The following FBXL7 variants were observed in gnomAD, a reference collection of about 807,000 sequenced individuals.
FBXL7 encodes the protein F-box/LRR-repeat protein 7.
In FBXL7, 12 loss-of-function variants were observed where a neutral mutation model predicts 38.3. That is an observed-to-expected ratio of 0.31 (90% confidence interval 0.20 to 0.51). The LOEUF is 0.51. Ranked by LOEUF, FBXL7 falls within the 20% of genes least tolerant of loss-of-function variation. The probability of loss-of-function intolerance (pLI) is 0.98; values close to 1 mark genes in which losing one functional copy is unlikely to be tolerated. For missense variants in FBXL7, 567 were observed against 676.4 expected (o/e 0.84, Z 1.79); for synonymous variants, 297 against 300.9 (o/e 0.99, Z 0.13).
chr5:15,800,593 A>G (rs1243132767), intron 2 of FBXL7, among the ~76,000 whole-genome samples: 1 of 152,212 alleles, frequency 6.6e-6, no homozygotes, highest in African/African-American at 2.4e-5. Flanking sequence ...AACAACCTAA[A>G]AAGGCAGGTA....
intron 2 of FBXL7, among the ~76,000 whole-genome samples, chr5:15,628,159 A>G (rs140901820): frequency 5.8e-4 from 89 of 152,304 alleles, no homozygotes; most frequent in Non-Finnish European, 9.3e-4. Context: ...TGTTGTTTAT[A>G]GCGGCTAGTG....
chr5:15,675,168 A>G (rs542657065), intron 2 of FBXL7, among the ~76,000 whole-genome samples: 18 of 152,378 alleles, frequency 1.2e-4, no homozygotes, highest in Non-Finnish European at 2.2e-4. Flanking sequence ...AATACACTTT[A>G]TCTTCAAAAT....
chr5:15,903,952 T>TAAGGG (rs1561183254), intron 2 of FBXL7, among the ~76,000 whole-genome samples: 1 of 152,174 alleles, frequency 6.6e-6, no homozygotes, highest in East Asian at 1.9e-4. Context: ...TAGCCTATGG[T>TAAGGG]AAGGGAAGGG....
At chr5:15,522,083 G>A (rs987974986) in intron 1 of FBXL7, among the ~76,000 whole-genome samples, 10 of 152,182 alleles carry the variant, frequency 6.6e-5, no homozygotes, top group African/African-American at 2.4e-4. Context: ...ATCCCCCATG[G>A]GAATGCCTAA....
At chr5:15,761,549 A>C (rs1402962172) in intron 2 of FBXL7, among the ~76,000 whole-genome samples, 2 of 152,086 alleles carry the variant, frequency 1.3e-5, no homozygotes, top group Non-Finnish European at 2.9e-5. Flanking sequence ...ATTATTATTT[A>C]TTTATTTTTT....
At chr5:15,755,235 G>A (rs1470536769) in intron 2 of FBXL7, among the ~76,000 whole-genome samples, 1 of 152,120 alleles carries the variant, frequency 6.6e-6, no homozygotes, top group African/African-American at 2.4e-5. Context: ...GTATTTTAGT[G>A]GATAATATGG....
chr5:15,707,693 A>G (rs1743733361), intron 2 of FBXL7, among the ~76,000 whole-genome samples: 1 of 152,224 alleles, frequency 6.6e-6, no homozygotes, highest in Non-Finnish European at 1.5e-5. Flanking sequence ...TGCAGAGGAT[A>G]GGAGGGCAGG....
At chr5:15,784,877 C>T (rs1737092795) in intron 2 of FBXL7, among the ~76,000 whole-genome samples, 1 of 152,174 alleles carries the variant, frequency 6.6e-6, no homozygotes, top group Non-Finnish European at 1.5e-5. Flanking sequence ...CAACCTAGCA[C>T]ACACACGCAC....
intron 1 of FBXL7, among the ~76,000 whole-genome samples, chr5:15,536,889 G>A (rs1221456102): frequency 2.0e-5 from 3 of 152,216 alleles, no homozygotes; most frequent in African/African-American, 7.2e-5. Context: ...ATCTCATCTT[G>A]AATTGTAATC....
At chr5:15,560,211 G>T (rs1003065461) in intron 1 of FBXL7, among the ~76,000 whole-genome samples, 1 of 152,090 alleles carries the variant, frequency 6.6e-6, no homozygotes, top group Admixed American at 6.6e-5. Flanking sequence ...CTACCCAAAT[G>T]ACCTTAATAA....
At chr5:15,503,962 G>C (rs1210341843) in intron 1 of FBXL7, among the ~76,000 whole-genome samples, 1 of 152,194 alleles carries the variant, frequency 6.6e-6, no homozygotes, top group South Asian at 2.1e-4. Context: ...ATTAAAAACA[G>C]TTATTCACGA....
At chr5:15,556,667 T>C (rs1261141624) in intron 1 of FBXL7, among the ~76,000 whole-genome samples, 1 of 152,190 alleles carries the variant, frequency 6.6e-6, no homozygotes, top group Non-Finnish European at 1.5e-5. Flanking sequence ...ATTAATACTT[T>C]ATATTTAATT....
chr5:15,509,088 G>A (rs1350946803), intron 1 of FBXL7, among the ~76,000 whole-genome samples: 1 of 152,148 alleles, frequency 6.6e-6, no homozygotes, highest in Non-Finnish European at 1.5e-5. Context: ...TTTAATTGAT[G>A]TTATTGGTCA....
intron 1 of FBXL7, among the ~76,000 whole-genome samples, chr5:15,513,103 A>G (rs1367470394): frequency 6.6e-6 from 1 of 152,172 alleles, no homozygotes; most frequent in Non-Finnish European, 1.5e-5. Flanking sequence ...ATCTGCCTCT[A>G]GCTGCAGCTG....
intron 3 of FBXL7, among the ~76,000 whole-genome samples, chr5:15,929,101 T>C (rs985230115): frequency 6.6e-6 from 1 of 152,182 alleles, no homozygotes; most frequent in African/African-American, 2.4e-5. Context: ...GCTGTAAAAA[T>C]GACCTCGTGT....
chr5:15,805,615 A>G (rs1561133366), intron 2 of FBXL7, among the ~76,000 whole-genome samples: 1 of 152,186 alleles, frequency 6.6e-6, no homozygotes, highest in African/African-American at 2.4e-5. Flanking sequence ...CTTCCTTCTT[A>G]TAACTAGTCC....
At chr5:15,806,802 G>A (rs561317757) in intron 2 of FBXL7, among the ~76,000 whole-genome samples, 1 of 152,298 alleles carries the variant, frequency 6.6e-6, no homozygotes, top group South Asian at 2.1e-4. Flanking sequence ...TGCGGCAGAA[G>A]CAGCCCAGAG....
intron 2 of FBXL7, among the ~76,000 whole-genome samples, chr5:15,679,635 A>C (rs1166821099): frequency 6.6e-6 from 1 of 150,438 alleles, no homozygotes; most frequent in African/African-American, 2.4e-5. Context: ...TGTTGACTAA[A>C]GTTGTGGAAA....
In FBXL7 at chr5:15,536,000, T is replaced by C. The variant is rs112743559; in HGVS notation, c.37+35287T>C. Among the ~76,000 whole-genome samples, 766 of 152,376 alleles carry C rather than the reference T, an allele frequency of 5.0e-3. 9 individuals carry two copies. The highest frequency in any genetic ancestry group is 0.017 in the African/African-American group (721 of 41,602). The stretch of plus-strand genomic sequence containing the variant: ...CAGGGCCTTGCTGCTCTGTGCAGCC[T>C]TGGGACTGAGCATCTTACCTCCCAC... On this transcript the variant is annotated intron_variant, in intron 1 of 3. Transcript: ENST00000504595.
Sources: gnomAD v4.1 joint callset for allele counts (sites outside exome capture counted in the v4.1 genomes callset) on GRCh38, gnomAD v4.1.1 for gene constraint, MANE v1.5 for transcripts, NCBI Gene and HGNC (gene_info 2026-07-23, HGNC 2026-07-21) for gene names.